The following ELP4 variants were observed in gnomAD, a reference collection of about 807,000 sequenced individuals.
ELP4 encodes the protein elongator acetyltransferase complex subunit 4.
A neutral mutation model predicts 48.9 loss-of-function variants in ELP4; 51 were observed. That is an observed-to-expected ratio of 1.04 (90% CI 0.83 to 1.32). The LOEUF (loss-of-function observed/expected upper bound fraction) is 1.32, where lower values mean the gene tolerates loss of function less well. Ranked by LOEUF, ELP4 falls within the 40% of genes most tolerant of loss-of-function variation. ELP4 has a pLI of 0.00. For synonymous variants in ELP4, 210 were observed against 189.2 expected, an observed-to-expected ratio of 1.11 and a Z score of -0.90; for missense variants, 519 against 514.6, an observed-to-expected ratio of 1.01 and a Z score of -0.08.
At chr11:31,736,917 T>C (rs1307142283) in intron 9 of ELP4, among the ~76,000 whole-genome samples, 5 of 152,150 alleles carry the variant, frequency 3.3e-5, no homozygotes, top group South Asian at 2.1e-4. Context: ...GGCGATTCCT[T>C]AGGGATCTAG....
At chr11:31,526,950 C>T (rs1421006864) in intron 2 of ELP4, among the ~76,000 whole-genome samples, 3 of 151,964 alleles carry the variant, frequency 2.0e-5, no homozygotes, top group Non-Finnish European at 4.4e-5. Flanking sequence ...CATAGTCAAG[C>T]CTTTTGTATA....
At chr11:31,574,978 T>A (rs1957249781) in intron 3 of ELP4, among the ~76,000 whole-genome samples, 1 of 151,990 alleles carries the variant, frequency 6.6e-6, no homozygotes, top group Admixed American at 6.6e-5. Flanking sequence ...CAATCGGTAA[T>A]AATAAACTTC....
In ELP4 at chr11:31,784,744, TATG is replaced by T. The variant is rs1948471362; in HGVS notation, c.*1225_*1227del. On this transcript the variant is annotated 3_prime_UTR_variant, in exon 10 of 10. Coordinates refer to ENST00000640961, the MANE Select transcript of ELP4 (RefSeq NM_019040.5). The stretch of plus-strand genomic sequence containing the variant: ...TAGGTTTTTAAAACTGTCTAACCAA[TATG>T]ATGAATGTCAGTCACTTAAAAAAAC... 1 of 166,894 alleles carries T rather than the reference TATG, an allele frequency of 6.0e-6. No individual in the cohort carries two copies. The highest frequency in any genetic ancestry group is 2.4e-5 in the African/African-American group (1 of 41,954). 10.3% of individuals were successfully genotyped at this position (166,894 alleles called of 1,614,324 possible).
intron 9 of ELP4, among the ~76,000 whole-genome samples, chr11:31,718,583 T>A (rs902810654): frequency 6.6e-6 from 1 of 152,164 alleles, no homozygotes; most frequent in African/African-American, 2.4e-5. Flanking sequence ...ACTAGGAGTG[T>A]CTTCACTGAC....
At chr11:31,667,664 T>C (rs7935071) in intron 9 of ELP4, among the ~76,000 whole-genome samples, 96,567 of 152,058 alleles carry the variant, frequency 0.64, 33,131 homozygotes, top group Non-Finnish European at 0.76. Flanking sequence ...TTCCACATTT[T>C]TAAAATTTCA....
At chr11:31,620,964 A>C (rs1046086618) in intron 5 of ELP4, among the ~76,000 whole-genome samples, 2 of 151,964 alleles carry the variant, frequency 1.3e-5, no homozygotes, top group African/African-American at 4.8e-5. Context: ...GCTGAAAATC[A>C]TCAGAGGAGA....
chr11:31,548,114 A>G (rs1305124339), intron 3 of ELP4, among the ~76,000 whole-genome samples: 1 of 152,204 alleles, frequency 6.6e-6, no homozygotes, highest in Non-Finnish European at 1.5e-5. Flanking sequence ...CCTATTCAAC[A>G]TAGTGTTGGA....
chr11:31,565,117 C>T (rs1246482820), intron 3 of ELP4, among the ~76,000 whole-genome samples: 1 of 152,188 alleles, frequency 6.6e-6, no homozygotes, highest in Non-Finnish European at 1.5e-5. Flanking sequence ...TTGCATTTCT[C>T]TGATGGCCAG....
chr11:31,649,583 A>G (rs957691408), intron 8 of ELP4: 1 of 151,736 alleles, frequency 6.6e-6, no homozygotes, highest in African/African-American at 2.4e-5. Context: ...CATAGGGGTT[A>G]ATGTTTGGTC....
At chr11:31,602,850 A>G (rs1957806671) in intron 4 of ELP4, among the ~76,000 whole-genome samples, 1 of 151,984 alleles carries the variant, frequency 6.6e-6, no homozygotes, top group Non-Finnish European at 1.5e-5. Flanking sequence ...GTAATAGTAG[A>G]TCTGAAATCT....
chr11:31,551,944 A>G (rs1433338748), intron 3 of ELP4, among the ~76,000 whole-genome samples: 6 of 152,166 alleles, frequency 3.9e-5, no homozygotes, highest in Admixed American at 3.3e-4. Flanking sequence ...CCTAGTAACA[A>G]AAATAATAAT....
Position 31,788,647 on chromosome 11 carries a change from T to A in ELP4, c.*5123T>A, listed in dbSNP as rs576321279. ...CCTAGCTAATCGCTTGTTGCATTTT[T>A]AAATTATTTCTAGACTTTGAGCTTT... On this transcript the variant is annotated 3_prime_UTR_variant, in exon 10 of 10. Transcript: ENST00000640961. 25 of 215,600 alleles carry A rather than the reference T, an allele frequency of 1.2e-4. No individual in the cohort carries two copies. In the East Asian group the frequency reaches 1.6e-3, roughly 14 times the overall value. 13.4% of individuals were successfully genotyped at this position (215,600 alleles called of 1,614,324 possible).
chr11:31,541,196 C>G (rs1210698482), intron 3 of ELP4, among the ~76,000 whole-genome samples: 2 of 152,174 alleles, frequency 1.3e-5, no homozygotes, highest in Non-Finnish European at 2.9e-5. Flanking sequence ...ATAAAAGTCA[C>G]TATAATGCTG....
chr11:31,660,109 ATAAT>A (rs1185789461), intron 9 of ELP4, among the ~76,000 whole-genome samples: 5 of 152,216 alleles, frequency 3.3e-5, no homozygotes, highest in Non-Finnish European at 7.3e-5. Flanking sequence ...AATTTTCTAA[ATAAT>A]TATATGAATG....
intron 3 of ELP4, among the ~76,000 whole-genome samples, chr11:31,565,357 T>G (rs1957092379): frequency 1.3e-5 from 2 of 151,574 alleles, no homozygotes; most frequent in African/African-American, 2.4e-5. Context: ...TCTTTTGCTG[T>G]GCAGAAGCTC....
At chr11:31,602,705 A>C (rs1467706067) in intron 4 of ELP4, among the ~76,000 whole-genome samples, 1 of 151,958 alleles carries the variant, frequency 6.6e-6, no homozygotes, top group Non-Finnish European at 1.5e-5. Context: ...TCAAGCAAAT[A>C]TGTCTTTCTT....
At chr11:31,608,702 C>T (rs912664887) in intron 5 of ELP4, among the ~76,000 whole-genome samples, 7 of 151,674 alleles carry the variant, frequency 4.6e-5, no homozygotes, top group Non-Finnish European at 8.8e-5. Flanking sequence ...TTTCGGCCTA[C>T]GATGGGAGTG....
intron 5 of ELP4, among the ~76,000 whole-genome samples, chr11:31,623,414 A>G (rs2134031366): frequency 7.4e-6 from 1 of 134,534 alleles, no homozygotes; most frequent in Non-Finnish European, 1.6e-5. Context: ...TTGCTGGCAA[A>G]GAAACATGGA....
intron 4 of ELP4, 141 bp downstream of exon 4, chr11:31,595,042 A>G: frequency 1.5e-6 from 1 of 648,890 alleles, no homozygotes; most frequent in East Asian, 3.7e-5. Context: ...GGTCAAGATG[A>G]TCTATTTCTT....
Sources: gnomAD v4.1 joint callset for allele counts (sites outside exome capture counted in the v4.1 genomes callset) on GRCh38, gnomAD v4.1.1 for gene constraint, MANE v1.5 for transcripts, NCBI Gene and HGNC (gene_info 2026-07-23, HGNC 2026-07-21) for gene names.